The following PLCB4 variants were observed in gnomAD, a reference collection of about 807,000 sequenced individuals.
The protein encoded by PLCB4 is 1-phosphatidylinositol 4,5-bisphosphate phosphodiesterase beta-4.
PLCB4 carries 77 observed loss-of-function variants against 178.8 expected under a neutral mutation model. That is an observed-to-expected ratio of 0.43 (90% CI 0.36 to 0.52). The LOEUF (loss-of-function observed/expected upper bound fraction) is 0.52, where lower values mean the gene tolerates loss of function less well. PLCB4 is among the 20% of genes least tolerant of loss of function. PLCB4 has a pLI of 0.00. For synonymous variants in PLCB4, 496 were observed against 490.8 expected (o/e 1.01, Z -0.14); for missense variants, 1,024 against 1,453.4 (o/e 0.70, Z 4.80).
At chr20:9,333,946 A>G (rs1020160533) in intron 4 of PLCB4, among the ~76,000 whole-genome samples, 2 of 152,170 alleles carry the variant, frequency 1.3e-5, no homozygotes, top group Non-Finnish European at 2.9e-5. Context: ...TTATGGACAT[A>G]CTTATTTCAA....
intron 36 of PLCB4, 23 bp downstream of exon 36, chr20:9,468,695 C>T (rs1403213838): frequency 2.3e-6 from 3 of 1,315,822 alleles, no homozygotes; most frequent in East Asian, 4.6e-5. Context: ...GTGTTCACTG[C>T]AGGAATATGG....
intron 3 of PLCB4, among the ~76,000 whole-genome samples, chr20:9,295,414 T>C (rs1248899183): frequency 1.3e-5 from 2 of 152,170 alleles, no homozygotes; most frequent in Non-Finnish European, 2.9e-5. Context: ...CATTTACAAA[T>C]ATCCCAGGGT....
In PLCB4 at chr20:9,421,477, CA is replaced by C. The variant is rs745739596; in HGVS notation, c.2319+17del. The C allele has an allele frequency of 4.4e-6, 7 of 1,604,858 alleles. No individual in the cohort carries two copies. The East Asian group carries it at 1.6e-4, about 36-fold the overall frequency. On this transcript the variant is annotated intron_variant, in intron 27 of 39. Coordinates refer to ENST00000378473, the MANE Select transcript of PLCB4 (RefSeq NM_001377142.1). The stretch of plus-strand genomic sequence containing the variant: ...ATTTCGGAAGGTAGGACATTTTCAG[CA>C]CGTCAAACTTACTCTAATAACTTGG...
At chr20:9,192,708 A>G (rs905683794) in intron 2 of PLCB4, among the ~76,000 whole-genome samples, 2 of 151,506 alleles carry the variant, frequency 1.3e-5, no homozygotes, top group African/African-American at 2.4e-5. Context: ...CCAGCAAGTC[A>G]GGAGTCTGAG....
intron 3 of PLCB4, among the ~76,000 whole-genome samples, chr20:9,278,837 A>G (rs1208560580): frequency 6.6e-6 from 1 of 152,070 alleles, no homozygotes; most frequent in Admixed American, 6.6e-5. Flanking sequence ...TCACTCACAC[A>G]AGGCCTGTTC....
intron 1 of PLCB4, among the ~76,000 whole-genome samples, chr20:9,087,231 A>G (rs567238670): frequency 2.2e-4 from 34 of 152,270 alleles, no homozygotes; most frequent in African/African-American, 7.7e-4. Context: ...TTACATTTGC[A>G]TTTTGATATT....
At chr20:9,293,974 G>A (rs1601658774) in intron 3 of PLCB4, among the ~76,000 whole-genome samples, 1 of 152,168 alleles carries the variant, frequency 6.6e-6, no homozygotes, top group African/African-American at 2.4e-5. Context: ...AATACAGAGA[G>A]GAGAATGTAA....
chr20:9,182,905 T>C (rs2093270269), intron 2 of PLCB4, among the ~76,000 whole-genome samples: 1 of 152,094 alleles, frequency 6.6e-6, no homozygotes, highest in African/African-American at 2.4e-5. Context: ...CACATCTAAT[T>C]GCTCATTTTC....
Position 9,480,291 on chromosome 20 carries a change from A to T in PLCB4, c.*1282A>T, listed in dbSNP as rs1258823132. ...ATGCCACCAAAGCCAAGAGGAGCGCATGGAAACCCGGTAGTCTAGAACTAA... is the reference window on the plus strand; with the variant it reads ...ATGCCACCAAAGCCAAGAGGAGCGCTTGGAAACCCGGTAGTCTAGAACTAA... On this transcript the variant is annotated 3_prime_UTR_variant, in exon 40 of 40. Coordinates refer to ENST00000378473, the MANE Select transcript of PLCB4 (RefSeq NM_001377142.1). The T allele has an allele frequency of 6.6e-6, 1 of 152,628 alleles. No individual in the cohort carries two copies. Among genetic ancestry groups the T allele is most frequent in the Non-Finnish European group, 1.5e-5 (1 of 68,048 alleles). 9.5% of individuals were successfully genotyped at this position (152,628 alleles called of 1,614,324 possible). A position where few individuals can be genotyped will look rare whatever the true frequency, so the allele number is the denominator to read the frequency against.
In PLCB4 at chr20:9,309,490, C is replaced by A. The variant is rs528893691; in HGVS notation, c.84+1592C>A. On this transcript the variant is annotated intron_variant, in intron 4 of 39. Coordinates refer to ENST00000378473, the MANE Select transcript of PLCB4 (RefSeq NM_001377142.1). Reference sequence around the variant, plus strand: ...TGCCTTCACATTTTATTTAATGTTTCTTTCTCTCCAACTATGTTCTGAGTT... The same window carrying A: ...TGCCTTCACATTTTATTTAATGTTTATTTCTCTCCAACTATGTTCTGAGTT... Among the ~76,000 whole-genome samples the A allele has an allele frequency of 8.5e-5, 13 of 152,296 alleles. No individual in the cohort carries two copies. In the South Asian group the frequency reaches 1.7e-3, roughly 19 times the overall value.
At chr20:9,335,901 A>G (rs2077137575) in intron 4 of PLCB4, among the ~76,000 whole-genome samples, 2 of 152,186 alleles carry the variant, frequency 1.3e-5, no homozygotes, top group Admixed American at 6.5e-5. Context: ...AAACTACCCA[A>G]ATTGAAGGCT....
intron 36 of PLCB4, among the ~76,000 whole-genome samples, chr20:9,470,355 G>T (rs541452406): frequency 6.6e-6 from 1 of 151,708 alleles, no homozygotes; most frequent in African/African-American, 2.4e-5. Flanking sequence ...AAGAAAAAAT[G>T]TCATTCTCTG....
intron 21 of PLCB4, 32 bp from the exon 22 acceptor site, chr20:9,407,885 C>T (rs763948853): frequency 6.3e-7 from 1 of 1,588,932 alleles, no homozygotes; most frequent in Non-Finnish European, 8.6e-7. Context: ...CTGAAGTCAT[C>T]AACTTATATG....
rs1600410063 is a variant in PLCB4 at position 9,101,816 on chromosome 20, T to C, written c.-79+5474T>C. On this transcript the variant is annotated intron_variant, in intron 2 of 39. Transcript: ENST00000378473. ...TAGAGGAAAGCTTAGTGCCTCATTGTAAAAACAATTTGCCAGTTTTGTAAA... is the reference window on the plus strand; with the variant it reads ...TAGAGGAAAGCTTAGTGCCTCATTGCAAAAACAATTTGCCAGTTTTGTAAA... Among the ~76,000 whole-genome samples, 4 of 151,754 alleles carry C rather than the reference T, an allele frequency of 2.6e-5. No individual in the cohort carries two copies. In the East Asian group the frequency reaches 7.7e-4, roughly 29 times the overall value.
At chr20:9,186,814 C>A (rs2093335438) in intron 2 of PLCB4, among the ~76,000 whole-genome samples, 1 of 152,148 alleles carries the variant, frequency 6.6e-6, no homozygotes, top group African/African-American at 2.4e-5. Context: ...TCCAGCCCAG[C>A]TGCCTCCTGA....
chr20:9,365,449 A>G lies in PLCB4; in HGVS notation c.450-12A>G, dbSNP rs769099178. On this transcript the variant is annotated splice_polypyrimidine_tract_variant and intron_variant, in intron 8 of 39. Transcript: ENST00000378473. ...GAAACATTAAGGCAATGTTATTGCT[A>G]TTGTTTTGCAGCTGGATGAAATTGG... 9.5e-6 allele frequency: 15 copies of G among 1,584,804 alleles called. No individual in the cohort carries two copies. The highest frequency in any genetic ancestry group is 1.7e-4 in the Middle Eastern group (1 of 6,050).
chr20:9,131,853 G>A (rs927318671), intron 2 of PLCB4, among the ~76,000 whole-genome samples: 3 of 152,150 alleles, frequency 2.0e-5, no homozygotes, highest in Admixed American at 6.5e-5. Context: ...ATTTGGGCTT[G>A]TTTTCTTGGA....
At chr20:9,400,123 T>C (rs1207486615) in intron 19 of PLCB4, among the ~76,000 whole-genome samples, 2 of 152,212 alleles carry the variant, frequency 1.3e-5, no homozygotes, top group Non-Finnish European at 2.9e-5. Context: ...TGGATTTTGT[T>C]TTTTTAATCG....
chr20:9,074,514 C>T (rs2089736060), intron 1 of PLCB4, among the ~76,000 whole-genome samples: 1 of 152,052 alleles, frequency 6.6e-6, no homozygotes, highest in South Asian at 2.1e-4. Flanking sequence ...ATGGCATTGA[C>T]CTTATCCATA....
Sources: gnomAD v4.1 joint callset for allele counts (sites outside exome capture counted in the v4.1 genomes callset) on GRCh38, gnomAD v4.1.1 for gene constraint, MANE v1.5 for transcripts, NCBI Gene and HGNC (gene_info 2026-07-23, HGNC 2026-07-21) for gene names.